Variants in RBFOX1 observed in about 807,000 individuals in gnomAD.
RBFOX1 encodes the protein RNA binding protein fox-1 homolog 1.
Under a neutral mutation model 57.7 loss-of-function variants are expected in RBFOX1, and 8 were observed. The observed-to-expected ratio is 0.14, with a 90% CI of 0.08 to 0.25. RBFOX1 has a LOEUF of 0.25. Ranked by LOEUF, RBFOX1 falls within the 10% of genes least tolerant of loss-of-function variation. The pLI is 1.00. For synonymous variants in RBFOX1, 326 were observed against 222.4 expected (o/e 1.47, Z -4.15); for missense variants, 611 against 548.5 (o/e 1.11, Z -1.14).
chr16:5,256,791 C>T (rs765899506), intron 1 of RBFOX1, among the ~76,000 whole-genome samples: 6 of 151,976 alleles, frequency 3.9e-5, no homozygotes, highest in South Asian at 2.1e-4. Flanking sequence ...AAAATTAGCC[C>T]GGTGTGGTGG....
At chr16:7,384,270 T>C (rs551574224) in intron 4 of RBFOX1, among the ~76,000 whole-genome samples, 8 of 152,168 alleles carry the variant, frequency 5.3e-5, no homozygotes, top group South Asian at 2.1e-4. Flanking sequence ...ATATGAAATA[T>C]ATATGTATGA....
At chr16:6,155,759 C>A (rs966504608) in intron 1 of RBFOX1, among the ~76,000 whole-genome samples, 3 of 152,176 alleles carry the variant, frequency 2.0e-5, no homozygotes, top group Admixed American at 6.5e-5. Flanking sequence ...ACAGCGGCGG[C>A]TTCCATGTGG....
intron 2 of RBFOX1, among the ~76,000 whole-genome samples, chr16:6,400,251 G>A (rs2093014138): frequency 6.6e-6 from 1 of 152,084 alleles, no homozygotes; most frequent in African/African-American, 2.4e-5. Context: ...TGTTAACTAT[G>A]TTTTCTGGCA....
chr16:7,357,331 A>G (rs76876539), intron 4 of RBFOX1, among the ~76,000 whole-genome samples: 133 of 152,306 alleles, frequency 8.7e-4, no homozygotes, highest in African/African-American at 2.9e-3. Context: ...CACTACAAAA[A>G]CATTTTTAGA....
At chr16:7,014,013 T>C (rs911330013) in intron 3 of RBFOX1, among the ~76,000 whole-genome samples, 3 of 152,028 alleles carry the variant, frequency 2.0e-5, no homozygotes, top group African/African-American at 7.2e-5. Flanking sequence ...GAAGGAAGAG[T>C]AGGTTTCAAG....
intron 4 of RBFOX1, among the ~76,000 whole-genome samples, chr16:7,371,307 A>G (rs2097561417): frequency 6.6e-6 from 1 of 152,308 alleles, no homozygotes; most frequent in South Asian, 2.1e-4. Context: ...TTTTCTGCTT[A>G]AAGTGGTACG....
chr16:6,722,533 C>G (rs994075436), intron 3 of RBFOX1, among the ~76,000 whole-genome samples: 6 of 123,028 alleles, frequency 4.9e-5, no homozygotes, highest in African/African-American at 1.7e-4. Flanking sequence ...TTTGCCAAGT[C>G]ATTTTGTATA....
chr16:6,629,848 T>G (rs1316658980), intron 2 of RBFOX1, among the ~76,000 whole-genome samples: 1 of 152,186 alleles, frequency 6.6e-6, no homozygotes, highest in African/African-American at 2.4e-5. Flanking sequence ...TTTTTATTTT[T>G]TATTCTTCTC....
intron 4 of RBFOX1, among the ~76,000 whole-genome samples, chr16:7,489,769 A>G (rs568575066): frequency 8.6e-5 from 13 of 151,616 alleles, no homozygotes; most frequent in Admixed American, 3.3e-4. Flanking sequence ...GATCCTCCCA[A>G]CTCAGCCTTC....
chr16:5,850,888 T>C (rs6500728), intron 3 of RBFOX1, among the ~76,000 whole-genome samples: 101,171 of 152,080 alleles, frequency 0.67, 33,771 homozygotes, highest in Non-Finnish European at 0.68. Flanking sequence ...TGATGAAGGA[T>C]GGCTTTTTAA....
chr16:7,656,204 A>G (rs1277198026), intron 12 of RBFOX1, among the ~76,000 whole-genome samples: 4 of 152,220 alleles, frequency 2.6e-5, no homozygotes, highest in Non-Finnish European at 5.9e-5. Context: ...CATGTCTGCA[A>G]TAACCTATTA....
chr16:6,279,748 G>A (rs1367232328), intron 1 of RBFOX1, among the ~76,000 whole-genome samples: 4 of 152,096 alleles, frequency 2.6e-5, no homozygotes, highest in Non-Finnish European at 5.9e-5. Context: ...ATTTTCTTTT[G>A]CCATCAAGAT....
chr16:7,506,552 A>G (rs1341553927), intron 4 of RBFOX1, among the ~76,000 whole-genome samples: 1 of 152,064 alleles, frequency 6.6e-6, no homozygotes, highest in Non-Finnish European at 1.5e-5. Flanking sequence ...AGACATCGTC[A>G]TCACCATCAC....
intron 10 of RBFOX1, among the ~76,000 whole-genome samples, chr16:7,623,743 G>A (rs922465315): frequency 4.6e-5 from 7 of 152,154 alleles, no homozygotes; most frequent in Non-Finnish European, 7.4e-5. Flanking sequence ...CTGGAAGTCT[G>A]AGATCATGGT....
intron 2 of RBFOX1, among the ~76,000 whole-genome samples, chr16:6,439,688 G>A (rs2153022976): frequency 6.6e-6 from 1 of 152,182 alleles, no homozygotes; most frequent in South Asian, 2.1e-4. Context: ...CCCACAAGCA[G>A]CTGTAGCCCA....
chr16:6,406,723 C>T (rs1809394920), intron 2 of RBFOX1, among the ~76,000 whole-genome samples: 1 of 151,966 alleles, frequency 6.6e-6, no homozygotes, highest in Non-Finnish European at 1.5e-5. Flanking sequence ...ATGCTGGGAC[C>T]CCCATCATGG....
At chr16:6,138,355 T>C (rs1156585539) in intron 1 of RBFOX1, among the ~76,000 whole-genome samples, 3 of 152,192 alleles carry the variant, frequency 2.0e-5, no homozygotes, top group Non-Finnish European at 4.4e-5. Context: ...ATTATTGTTT[T>C]AACATCTTTA....
chr16:6,677,733 T>G (rs1194726561), intron 3 of RBFOX1, among the ~76,000 whole-genome samples: 3 of 152,222 alleles, frequency 2.0e-5, no homozygotes. Flanking sequence ...TTTGTAACTT[T>G]AAAGATAGTG....
intron 3 of RBFOX1, among the ~76,000 whole-genome samples, chr16:5,656,046 TTGAC>T (rs1301780307): frequency 1.3e-5 from 2 of 152,214 alleles, no homozygotes; most frequent in Admixed American, 6.5e-5. Flanking sequence ...TGTGGAAAGA[TTGAC>T]TGGGATTACT....
Sources: allele counts gnomAD v4.1 joint callset (sites outside exome capture counted in the v4.1 genomes callset), GRCh38; gene constraint gnomAD v4.1.1; transcripts MANE v1.5; gene names NCBI Gene and HGNC (gene_info 2026-07-23, HGNC 2026-07-21).